Variants in EPB41L4B observed in about 807,000 individuals in gnomAD.
The protein encoded by EPB41L4B is erythrocyte membrane protein band 4.1 like 4B.
In EPB41L4B, 30 loss-of-function variants were observed where a neutral mutation model predicts 112.5. That is an observed-to-expected ratio of 0.27 (90% CI 0.20 to 0.36). The LOEUF (loss-of-function observed/expected upper bound fraction) is 0.36, where lower values mean the gene tolerates loss of function less well. EPB41L4B is among the 10% of genes least tolerant of loss of function. The pLI is 1.00. For synonymous variants in EPB41L4B, 408 were observed against 439.7 expected (o/e 0.93, Z 0.90); for missense variants, 1,024 against 1,133.3 (o/e 0.90, Z 1.38).
intron 22 of EPB41L4B, among the ~76,000 whole-genome samples, chr9:109,186,638 C>T (rs912695106): frequency 2.0e-5 from 3 of 151,962 alleles, no homozygotes; most frequent in Admixed American, 1.3e-4. Context: ...CCATGCCTGG[C>T]TAATATTTTA....
chr9:109,299,694 C>G (rs1317286852), intron 1 of EPB41L4B, among the ~76,000 whole-genome samples: 1 of 152,178 alleles, frequency 6.6e-6, no homozygotes, highest in Non-Finnish European at 1.5e-5. Flanking sequence ...GCCTGGCAAC[C>G]ACCATGAAGG....
At chr9:109,295,889 T>G in intron 1 of EPB41L4B, among the ~76,000 whole-genome samples, 1 of 152,002 alleles carries the variant, frequency 6.6e-6, no homozygotes, top group East Asian at 1.9e-4. Context: ...AACCACCTAC[T>G]ACTACAGGAG....
chr9:109,242,496 T>C (rs777727335), intron 15 of EPB41L4B, among the ~76,000 whole-genome samples: 10 of 152,272 alleles, frequency 6.6e-5, no homozygotes, highest in Non-Finnish European at 1.3e-4. Flanking sequence ...AAATCTCTTC[T>C]GTTTCTTACG....
chr9:109,182,931 G>A, intron 23 of EPB41L4B, 134 bp from the exon 24 acceptor site: 1 of 660,786 alleles, frequency 1.5e-6, no homozygotes. Flanking sequence ...ACTCGTGTAA[G>A]GGCACATACA....
chr9:109,203,527 C>T, intron 19 of EPB41L4B, 136 bp downstream of exon 19: 1 of 687,142 alleles, frequency 1.5e-6, no homozygotes, highest in Non-Finnish European at 2.4e-6. Context: ...AGTCTTTTTC[C>T]ATCTCTTTGG....
At chr9:109,190,627 A>G (rs1832427690) in intron 22 of EPB41L4B, among the ~76,000 whole-genome samples, 1 of 152,204 alleles carries the variant, frequency 6.6e-6, no homozygotes, top group Non-Finnish European at 1.5e-5. Context: ...GAGGGAGGGT[A>G]CTGGCTAACA....
At chr9:109,261,870 A>T (rs1472291123) in intron 6 of EPB41L4B, among the ~76,000 whole-genome samples, 1 of 152,182 alleles carries the variant, frequency 6.6e-6, no homozygotes, top group Non-Finnish European at 1.5e-5. Context: ...TGAGAAGTCA[A>T]TTCTCATTAT....
At chr9:109,313,797 C>T (rs1000585868) in intron 1 of EPB41L4B, among the ~76,000 whole-genome samples, 2 of 152,178 alleles carry the variant, frequency 1.3e-5, no homozygotes, top group Non-Finnish European at 2.9e-5. Flanking sequence ...AGCTCCAAGT[C>T]GACCATCCTT....
chr9:109,321,032 C>CGCCGCT lies in EPB41L4B; in HGVS notation c.-587_-586insAGCGGC, dbSNP rs1837859768. 5.3e-6 allele frequency: 1 copy of CGCCGCT among 187,654 alleles called. No homozygotes were observed. Among genetic ancestry groups the CGCCGCT allele is most frequent in the Non-Finnish European group, 1.1e-5 (1 of 93,082 alleles). The allele number at this position is 187,654 out of a possible 1,614,324, so 11.6% of individuals were successfully genotyped here. A position where few individuals can be genotyped will look rare whatever the true frequency, so the allele number is the denominator to read the frequency against. On this transcript the variant is annotated 5_prime_UTR_variant, in exon 1 of 26. Coordinates refer to ENST00000374566, the MANE Select transcript of EPB41L4B (RefSeq NM_019114.5). ...CAGCCGCCGCCGCCGCCGCCGCCGC[C>CGCCGCT]GCTGCCGCCGGGACTGCAGCACGCC...
chr9:109,249,673 C>G (rs1163015037), intron 13 of EPB41L4B, among the ~76,000 whole-genome samples: 1 of 152,032 alleles, frequency 6.6e-6, no homozygotes, highest in East Asian at 1.9e-4. Context: ...GAATTAAAAG[C>G]AAGACACCCC....
chr9:109,212,847 G>C (rs1833231575), intron 17 of EPB41L4B, among the ~76,000 whole-genome samples: 1 of 152,210 alleles, frequency 6.6e-6, no homozygotes. Context: ...GGGGTCCCTA[G>C]TGGCATTTAG....
intron 1 of EPB41L4B, among the ~76,000 whole-genome samples, chr9:109,302,702 C>T (rs897823154): frequency 6.6e-6 from 1 of 152,090 alleles, no homozygotes; most frequent in South Asian, 2.1e-4. Context: ...GATCTTAGAG[C>T]TTGCTGGCCA....
At chr9:109,245,072 TA>T (rs1834501862) in intron 14 of EPB41L4B, among the ~76,000 whole-genome samples, 1 of 152,164 alleles carries the variant, frequency 6.6e-6, no homozygotes, top group Admixed American at 6.5e-5. Flanking sequence ...CTGGAGAAAA[TA>T]CCTCAGTAGC....
At chr9:109,266,907 T>G (rs1413942970) in intron 4 of EPB41L4B, among the ~76,000 whole-genome samples, 1 of 136,944 alleles carries the variant, frequency 7.3e-6, no homozygotes, top group Admixed American at 8.8e-5. Flanking sequence ...AGGTGGAGGC[T>G]GCAGTGACCC....
intron 2 of EPB41L4B, 145 bp from the exon 3 acceptor site, chr9:109,268,578 T>A: frequency 1.4e-6 from 1 of 698,626 alleles, no homozygotes; most frequent in Non-Finnish European, 2.3e-6. Context: ...AGGCTGGGAA[T>A]CTGCAAACTG....
rs540252877 is a variant in EPB41L4B, at chr9:109,236,850, T to C, written c.1409+6768A>G. Reference sequence around the variant, plus strand: ...CCCTTATGCTTCGCCTCTGCATCTGTCCACCGCCTCCTGTAGCAAGAGAGT... The same window carrying C: ...CCCTTATGCTTCGCCTCTGCATCTGCCCACCGCCTCCTGTAGCAAGAGAGT... On this transcript the variant is annotated intron_variant, in intron 15 of 25. Coordinates refer to ENST00000374566, the MANE Select transcript of EPB41L4B (RefSeq NM_019114.5). Among the ~76,000 whole-genome samples, 14 of 152,322 alleles carry C rather than the reference T, an allele frequency of 9.2e-5. 1 individual carries two copies. Among genetic ancestry groups the C allele is most frequent in the African/African-American group, 3.4e-4 (14 of 41,576 alleles).
intron 15 of EPB41L4B, among the ~76,000 whole-genome samples, chr9:109,223,842 A>C (rs983820027): frequency 6.6e-6 from 1 of 152,088 alleles, no homozygotes; most frequent in Non-Finnish European, 1.5e-5. Flanking sequence ...AACATGGCGA[A>C]GCTCTGTCTC....
intron 15 of EPB41L4B, chr9:109,241,603 A>G (rs1834355050): frequency 1.2e-6 from 2 of 1,605,496 alleles, no homozygotes; most frequent in South Asian, 1.1e-5. Flanking sequence ...AGGCCAAGAC[A>G]CTTTTCATGG....
chr9:109,243,027 C>CA (rs1834406878), intron 15 of EPB41L4B, among the ~76,000 whole-genome samples: 1 of 151,796 alleles, frequency 6.6e-6, no homozygotes, highest in East Asian at 1.9e-4. Context: ...CATAGCCTCT[C>CA]ATTTATGGAT....
Sources: gnomAD v4.1 joint callset for allele counts (sites outside exome capture counted in the v4.1 genomes callset) on GRCh38, gnomAD v4.1.1 for gene constraint, MANE v1.5 for transcripts, NCBI Gene and HGNC (gene_info 2026-07-23, HGNC 2026-07-21) for gene names.